BAG4: variants seen among roughly 807,000 people sequenced by gnomAD.
BAG4 encodes BAG cochaperone 4.
A neutral mutation model predicts 52.1 loss-of-function variants in BAG4; 28 were observed. That is an observed-to-expected ratio of 0.54 (90% CI 0.40 to 0.74). The LOEUF is 0.74. Among genes scored for constraint, BAG4 ranks in the 30% least tolerant of loss-of-function variants. The pLI, the probability that BAG4 is intolerant of heterozygous loss-of-function variation, is 0.00. For missense variants in BAG4, 525 were observed against 572.0 expected (o/e 0.92, Z 0.84); for synonymous variants, 208 against 217.0 (o/e 0.96, Z 0.37).
In BAG4 at chr8:38,212,419, G is replaced by A. The variant is rs1455864661; in HGVS notation, c.*1926G>A. On this transcript the variant is annotated 3_prime_UTR_variant, in exon 5 of 5. Transcript: ENST00000287322. ...GACTTACAGAAGAGTTGTAAAAGTA[G>A]TAGAGTTCTTGTATACTCTGCACCC... is the stretch of plus-strand genomic sequence containing the variant. 6.6e-6 allele frequency: 1 copy of A among 152,166 alleles called. No individual in the cohort carries two copies. The highest frequency in any genetic ancestry group is 6.5e-5 in the Admixed American group (1 of 15,270). 9.4% of individuals were successfully genotyped at this position (152,166 alleles called of 1,614,324 possible).
intron 2 of BAG4, among the ~76,000 whole-genome samples, chr8:38,193,166 C>T (rs1442868244): frequency 6.6e-6 from 1 of 151,858 alleles, no homozygotes; most frequent in East Asian, 1.9e-4. Flanking sequence ...CAGCTGTAAT[C>T]CCAGCACTTT....
At position 38,192,691 on chromosome 8, in the gene BAG4, C is replaced by G; in HGVS notation, c.274C>G (p.Gln92Glu). 1 of 1,602,734 alleles carries G rather than the reference C, an allele frequency of 6.2e-7. No individual in the cohort carries two copies. Among genetic ancestry groups the G allele is most frequent in the Non-Finnish European group, 8.5e-7 (1 of 1,176,000 alleles). The change falls in exon 2 of 5, where the codon CAG (glutamine) becomes GAG (glutamate). Residue 92 changes from glutamine to glutamate, a missense_variant. Coordinates refer to ENST00000287322, the MANE Select transcript of BAG4 (RefSeq NM_004874.4). ...TTTATTTTTCTTTTTTTCTTAGGAG[C>G]AGCCACCATATCCTAGCTACAATTC... ...PGRAGGSHQE[Q>E]PPYPSYNSNY...
chr8:38,209,908 G>C (rs759682230), intron 4 of BAG4, 100 bp from the exon 5 acceptor site: 7 of 1,454,886 alleles, frequency 4.8e-6, no homozygotes, highest in Non-Finnish European at 5.6e-6. Flanking sequence ...ATCTTTTCAT[G>C]TACCTTTCTG....
At chr8:38,185,197 T>C (rs957069821) in intron 1 of BAG4, among the ~76,000 whole-genome samples, 1 of 152,156 alleles carries the variant, frequency 6.6e-6, no homozygotes, top group African/African-American at 2.4e-5. Context: ...TATATACTAA[T>C]TGTTATTGTG....
chr8:38,202,241 G>C (rs1803691265), intron 2 of BAG4: 1 of 152,166 alleles, frequency 6.6e-6, no homozygotes, highest in Non-Finnish European at 1.5e-5. Flanking sequence ...CTTCTGCTTT[G>C]TTCTTAAGTC....
At chr8:38,185,173 T>C (rs181647271) in intron 1 of BAG4, among the ~76,000 whole-genome samples, 2 of 152,158 alleles carry the variant, frequency 1.3e-5, no homozygotes, top group East Asian at 3.9e-4. Flanking sequence ...GAAATTACAG[T>C]TGGGTGCCTG....
chr8:38,191,890 T>A (rs2130673518), intron 1 of BAG4, among the ~76,000 whole-genome samples: 1 of 152,308 alleles, frequency 6.6e-6, no homozygotes, highest in Admixed American at 6.5e-5. Context: ...TAGTCTTTTA[T>A]CAAAGTTTAT....
In BAG4 at chr8:38,177,081, G is replaced by A. The variant is rs1389824352; in HGVS notation, c.212G>A (p.Gly71Asp). ...CTGGGAGAAGGCGGAGGAGGCGATG[G>A]CTACTATCCCTCGGGAGGCGCCTGG... ...TWLGEGGGGD[G>D]YYPSGGAWPE... The change falls in exon 1 of 5, where the codon GGC becomes GAC. Residue 71 changes from glycine to aspartate, a missense_variant. Around this residue, in one of 2 missense-constraint regions of BAG4, gnomAD observed 287 missense variants for 266.1 expected, o/e 1.08. Transcript: ENST00000287322. 1 of 1,612,428 alleles carries A rather than the reference G, an allele frequency of 6.2e-7. No individual in the cohort carries two copies. The highest frequency in any genetic ancestry group is 8.5e-7 in the Non-Finnish European group (1 of 1,179,798).
intron 1 of BAG4, among the ~76,000 whole-genome samples, chr8:38,187,777 A>G (rs181279233): frequency 6.6e-6 from 1 of 151,056 alleles, no homozygotes; most frequent in African/African-American, 2.4e-5. Flanking sequence ...AATCCCAGCA[A>G]TTTGGGAGGC....
intron 2 of BAG4, among the ~76,000 whole-genome samples, chr8:38,204,844 A>G (rs1194564306): frequency 6.6e-6 from 1 of 152,172 alleles, no homozygotes; most frequent in Non-Finnish European, 1.5e-5. Flanking sequence ...GCAATTTCAG[A>G]TATCATTTTA....
chr8:38,210,341 G>C lies in BAG4; in HGVS notation c.1222G>C (p.Ala408Pro). The change falls in exon 5 of 5, where the codon GCA (alanine) becomes CCA (proline). Residue 408 changes from alanine (A) to proline (P), a missense_variant. Coordinates refer to ENST00000287322, the MANE Select transcript of BAG4 (RefSeq NM_004874.4). ...EEFVGKKTDKAYWLLEEMLTK... is the reference protein window; with the variant it reads ...EEFVGKKTDKPYWLLEEMLTK... ...ATTTGTAGGAAAAAAGACAGACAAA[G>C]CATACTGGCTTCTGGAAGAAATGCT... is the stretch of plus-strand genomic sequence containing the variant. 1 of 1,614,162 alleles carries C rather than the reference G, an allele frequency of 6.2e-7. No individual in the cohort carries two copies. Among genetic ancestry groups the C allele is most frequent in the Non-Finnish European group, 8.5e-7 (1 of 1,180,024 alleles).
Position 38,209,267 on chromosome 8 carries a change from G to A in BAG4, c.888G>A (p.Lys296=), listed in dbSNP as rs1803828480. 1.9e-6 allele frequency: 3 copies of A among 1,614,008 alleles called. No individual in the cohort carries two copies. Among genetic ancestry groups the A allele is most frequent in the African/African-American group, 2.7e-5 (2 of 74,908 alleles). ...SPPSPPVQQP[K]DSSYPYSQSD... ...CTTCACCCCCAGTCCAGCAGCCCAAGGTAGGAGACCTAAATGTTGTTCCTT... is the reference window on the plus strand; with the variant it reads ...CTTCACCCCCAGTCCAGCAGCCCAAAGTAGGAGACCTAAATGTTGTTCCTT... Residue 296 remains lysine (K), a splice_region_variant and synonymous_variant, in exon 4 of 5, where the codon AAG becomes AAA. Transcript: ENST00000287322.
At chr8:38,179,836 C>G (rs1304104492) in intron 1 of BAG4, among the ~76,000 whole-genome samples, 2 of 152,024 alleles carry the variant, frequency 1.3e-5, no homozygotes, top group Non-Finnish European at 2.9e-5. Context: ...GGTCATGGGA[C>G]TATAGAATGG....
intron 1 of BAG4, among the ~76,000 whole-genome samples, chr8:38,187,282 A>G (rs1585653605): frequency 6.6e-6 from 1 of 152,226 alleles, no homozygotes; most frequent in East Asian, 1.9e-4. Flanking sequence ...AGAAACAAAT[A>G]GAAATTCTGG....
intron 4 of BAG4, among the ~76,000 whole-genome samples, 166 bp from the exon 5 acceptor site, chr8:38,209,842 G>C (rs1398611661): frequency 1.3e-5 from 2 of 152,074 alleles, no homozygotes; most frequent in Non-Finnish European, 2.9e-5. Context: ...TATCTTCTTA[G>C]GACTGTGTTT....
intron 1 of BAG4, among the ~76,000 whole-genome samples, chr8:38,187,900 G>A (rs1430096404): frequency 3.0e-4 from 45 of 150,750 alleles, no homozygotes; most frequent in African/African-American, 8.2e-4. Context: ...AGCCGGGCGT[G>A]GTGGCGGGCG....
Position 38,177,127 on chromosome 8 carries a change from A to C in BAG4, c.258A>C (p.Gly86=). Residue 86 remains glycine, a synonymous_variant, in exon 1 of 5, where the codon GGA becomes GGC. Coordinates refer to ENST00000287322, the MANE Select transcript of BAG4 (RefSeq NM_004874.4). ...GGAWPEPGRA[G]GSHQEQPPYP... is the part of the protein sequence containing the mutation. ...CCTGGCCAGAGCCTGGTCGAGCCGG[A>C]GGAAGCCACCAGGTAAGCTTTGCAC... 6.2e-7 allele frequency: 1 copy of C among 1,612,810 alleles called. No individual in the cohort carries two copies.
rs1803868494 is a variant in BAG4 at position 38,211,407 on chromosome 8, C to G, written c.*914C>G. Reference sequence around the variant, plus strand: ...TTTCCCCAAAGTGTAGTTATGTTTTCACTATTGCTGCTTCTATAGAGGGCA... The same window carrying G: ...TTTCCCCAAAGTGTAGTTATGTTTTGACTATTGCTGCTTCTATAGAGGGCA... On this transcript the variant is annotated 3_prime_UTR_variant, in exon 5 of 5. Transcript: ENST00000287322. The G allele has an allele frequency of 6.9e-6, 1 of 145,146 alleles. No individual in the cohort carries two copies. Among genetic ancestry groups the G allele is most frequent in the African/African-American group, 2.5e-5 (1 of 39,436 alleles). 9.0% of individuals were successfully genotyped at this position (145,146 alleles called of 1,614,324 possible). A position where few individuals can be genotyped will look rare whatever the true frequency, so the allele number is the denominator to read the frequency against.
chr8:38,212,662 T>C lies in BAG4; in HGVS notation c.*2169T>C, dbSNP rs1257874610. 1 of 152,230 alleles carries C rather than the reference T, an allele frequency of 6.6e-6. No individual in the cohort carries two copies. The highest frequency in any genetic ancestry group is 1.5e-5 in the Non-Finnish European group (1 of 68,038). The allele number at this position is 152,230 out of a possible 1,614,324, so 9.4% of individuals were successfully genotyped here. A position where few individuals can be genotyped will look rare whatever the true frequency, so the allele number is the denominator to read the frequency against. ...TGTGACAGTGTATCATAACAGGGGATACCTGATGTTGTAATGTATTTCTGG... is the reference window on the plus strand; with the variant it reads ...TGTGACAGTGTATCATAACAGGGGACACCTGATGTTGTAATGTATTTCTGG... On this transcript the variant is annotated 3_prime_UTR_variant, in exon 5 of 5. Coordinates refer to ENST00000287322, the MANE Select transcript of BAG4 (RefSeq NM_004874.4).
Sources: gnomAD v4.1 joint callset for allele counts (sites outside exome capture counted in the v4.1 genomes callset) on GRCh38, gnomAD v4.1.1 for gene constraint, gnomAD v4.1.1 regional missense constraint, MANE v1.5 for transcripts, NCBI Gene and HGNC (gene_info 2026-07-23, HGNC 2026-07-21) for gene names.